The following PRUNE2 variants were observed in gnomAD, a reference collection of about 807,000 sequenced individuals.
PRUNE2 encodes the protein protein prune homolog 2.
PRUNE2 carries 164 observed loss-of-function variants against 252.0 expected under a neutral mutation model. The observed-to-expected ratio is 0.65, with a 90% CI of 0.57 to 0.74. The LOEUF is 0.74. PRUNE2 is among the 30% of genes least tolerant of loss of function. PRUNE2 has a pLI of 0.00. For synonymous variants in PRUNE2, 1,292 were observed against 1,350.2 expected, an observed-to-expected ratio of 0.96 and a Z score of 0.94; for missense variants, 3,495 against 3,711.0, an observed-to-expected ratio of 0.94 and a Z score of 1.51.
Position 76,845,492 on chromosome 9 carries a change from G to A in PRUNE2, c.508+1023C>T, listed in dbSNP as rs117580525. 4.7e-3 allele frequency among the ~76,000 whole-genome samples: 716 copies of A among 152,266 alleles called. 7 individuals are homozygous for A. Among genetic ancestry groups the A allele is most frequent in the Non-Finnish European group, 5.1e-3 (347 of 68,014 alleles). On this transcript the variant is annotated intron_variant, in intron 4 of 18. Coordinates refer to ENST00000376718, the MANE Select transcript of PRUNE2 (RefSeq NM_015225.3). The stretch of plus-strand genomic sequence containing the variant: ...TTAGTTGAGGGCACAGTTTCCCATA[G>A]AGCGTTTTTACCGACATTCATTGCC...
At chr9:76,687,689 A>G (rs1393653774) in intron 9 of PRUNE2, 2 of 374,200 alleles carry the variant, frequency 5.3e-6, no homozygotes, top group East Asian at 1.6e-4. Context: ...TCCTAGAGCC[A>G]TATGGAAAGT....
At chr9:76,887,267 A>C (rs892294857) in intron 1 of PRUNE2, among the ~76,000 whole-genome samples, 1 of 152,050 alleles carries the variant, frequency 6.6e-6, no homozygotes, top group Non-Finnish European at 1.5e-5. Flanking sequence ...TGAAGGCATA[A>C]GAGATGACTA....
At chr9:76,786,948 C>G (rs1229041653) in intron 6 of PRUNE2, 1 of 152,146 alleles carries the variant, frequency 6.6e-6, no homozygotes, top group Non-Finnish European at 1.5e-5. Flanking sequence ...CTGATTACGC[C>G]TCATGGGTGG....
intron 6 of PRUNE2, among the ~76,000 whole-genome samples, chr9:76,714,677 G>GT (rs889623149): frequency 6.6e-6 from 1 of 152,222 alleles, no homozygotes; most frequent in African/African-American, 2.4e-5. Context: ...GCTTACAGGC[G>GT]TAAGACCGCA....
At chr9:76,675,804 C>A in intron 9 of PRUNE2, among the ~76,000 whole-genome samples, 1 of 129,056 alleles carries the variant, frequency 7.7e-6, no homozygotes, top group Non-Finnish European at 1.7e-5. Context: ...TCTCAGTAAA[C>A]TATCGCAAGA....
rs373259322 is a variant in PRUNE2 at position 76,638,273 on chromosome 9, C to T, written c.8744G>A (p.Gly2915Asp). 7 of 1,613,238 alleles carry T rather than the reference C, an allele frequency of 4.3e-6. No individual in the cohort carries two copies. The highest frequency in any genetic ancestry group is 5.9e-6 in the Non-Finnish European group (7 of 1,179,428). Reference sequence around the variant, plus strand: ...GGCAAACACAATGATGGCATTTAGACCGTCCCCATAGTATCCTGGGGGACA... The same window carrying T: ...GGCAAACACAATGATGGCATTTAGATCGTCCCCATAGTATCCTGGGGGACA... ...VISHGGYYGD[G>D]LNAIIVFAAC... Residue 2915 changes from glycine to aspartate, a missense_variant, in exon 13 of 19, where the codon GGT (glycine) becomes GAT (aspartate). By Grantham distance (94) the Gly-to-Asp change is moderately conservative. Coordinates refer to ENST00000376718, the MANE Select transcript of PRUNE2 (RefSeq NM_015225.3).
At chr9:76,695,435 C>A (rs1390743608) in intron 9 of PRUNE2, among the ~76,000 whole-genome samples, 1 of 152,140 alleles carries the variant, frequency 6.6e-6, no homozygotes, top group Non-Finnish European at 1.5e-5. Flanking sequence ...ATTTTCTCCC[C>A]ATGAGGATGA....
intron 3 of PRUNE2, among the ~76,000 whole-genome samples, chr9:76,848,546 C>T (rs1277671652): frequency 6.6e-6 from 1 of 152,106 alleles, no homozygotes; most frequent in Non-Finnish European, 1.5e-5. Context: ...AAGTTAAATA[C>T]AAAATTATTA....
Position 76,619,368 on chromosome 9 carries a change from C to G in PRUNE2, c.9208G>C (p.Asp3070His), listed in dbSNP as rs1564328491. ...TTCTCCATAGAAGACATTTCTGGATCATTGTAAAGGCAGCTAGTTCTGAGT... is the reference window on the plus strand; with the variant it reads ...TTCTCCATAGAAGACATTTCTGGATGATTGTAAAGGCAGCTAGTTCTGAGT... ...EAAKTSCLYN[D>H]PEMSSMEKDI... Residue 3070 changes from aspartate to histidine, a missense_variant, in exon 18 of 19, where the codon GAT becomes CAT. Asp to His is a moderately conservative substitution (Grantham distance 81). Coordinates refer to ENST00000376718, the MANE Select transcript of PRUNE2 (RefSeq NM_015225.3). 3 of 1,606,808 alleles carry G rather than the reference C, an allele frequency of 1.9e-6. No homozygotes were observed. Among genetic ancestry groups the G allele is most frequent in the Non-Finnish European group, 2.6e-6 (3 of 1,175,706 alleles).
At chr9:76,771,528 G>T (rs2130946379) in intron 6 of PRUNE2, among the ~76,000 whole-genome samples, 1 of 152,316 alleles carries the variant, frequency 6.6e-6, no homozygotes, top group East Asian at 1.9e-4. Flanking sequence ...AGACTACGGT[G>T]AGTCGGGGGT....
At chr9:76,683,922 ATATAG>A (rs1173246263) in intron 9 of PRUNE2, among the ~76,000 whole-genome samples, 48 of 151,008 alleles carry the variant, frequency 3.2e-4, no homozygotes, top group African/African-American at 1.1e-3. Context: ...CATAAAATAT[ATATAG>A]TATACATTAT....
chr9:76,650,515 T>C (rs1335141982), intron 11 of PRUNE2, among the ~76,000 whole-genome samples: 1 of 152,154 alleles, frequency 6.6e-6, no homozygotes, highest in Admixed American at 6.5e-5. Context: ...AACTCAAACA[T>C]ATTTATAATC....
chr9:76,875,095 A>T (rs1210923452), intron 1 of PRUNE2, among the ~76,000 whole-genome samples: 1 of 151,828 alleles, frequency 6.6e-6, no homozygotes, highest in Non-Finnish European at 1.5e-5. Context: ...CCAGGTCCCA[A>T]TCTCACACAC....
intron 6 of PRUNE2, among the ~76,000 whole-genome samples, chr9:76,793,084 T>A (rs1183280571): frequency 6.6e-6 from 1 of 152,196 alleles, no homozygotes; most frequent in East Asian, 1.9e-4. Context: ...TTATGCCATG[T>A]GGGGTTTGGT....
Position 76,854,179 on chromosome 9 carries a change from A to G in PRUNE2, c.66T>C (p.His22=). The G allele has an allele frequency of 6.2e-7, 1 of 1,601,290 alleles. No individual in the cohort carries two copies. Among genetic ancestry groups the G allele is most frequent in the Non-Finnish European group, 8.5e-7 (1 of 1,171,546 alleles). ...CACACGATTTAGGCCCAATAACCAC[A>G]TGGACCTTCTCCAAGCGTTTGCTTC... ...LNRSKRLEKV[H]VVIGPKSCDL... is the part of the protein sequence containing the mutation. The change falls in exon 2 of 19, where the codon CAT becomes CAC. Residue 22 remains histidine (H), a synonymous_variant. Transcript: ENST00000376718.
chr9:76,659,686 G>A (rs1199060401), intron 9 of PRUNE2, among the ~76,000 whole-genome samples: 1 of 151,936 alleles, frequency 6.6e-6, no homozygotes, highest in Non-Finnish European at 1.5e-5. Context: ...CTACTCTGAC[G>A]ATCTGAAATC....
intron 1 of PRUNE2, 120 bp downstream of exon 1, chr9:76,905,808 C>T (rs2063459698): frequency 1.5e-6 from 2 of 1,301,556 alleles, no homozygotes. Flanking sequence ...ACAACCCGCA[C>T]ACCCTGATAA....
intron 9 of PRUNE2, among the ~76,000 whole-genome samples, chr9:76,656,689 C>T (rs1332657205): frequency 2.0e-5 from 3 of 152,142 alleles, no homozygotes; most frequent in Non-Finnish European, 2.9e-5. Context: ...GTCTCATTCT[C>T]GTGGTGGAGT....
chr9:76,905,461 G>A (rs1039537045), intron 1 of PRUNE2, among the ~76,000 whole-genome samples: 4 of 152,228 alleles, frequency 2.6e-5, no homozygotes, highest in Non-Finnish European at 5.9e-5. Flanking sequence ...GGATTCTCCA[G>A]TACCACACAT....
Sources: allele counts gnomAD v4.1 joint callset (sites outside exome capture counted in the v4.1 genomes callset), GRCh38; gene constraint gnomAD v4.1.1; transcripts MANE v1.5; gene names NCBI Gene and HGNC (gene_info 2026-07-23, HGNC 2026-07-21).